Variants in OCA2 observed in about 807,000 individuals in gnomAD.
OCA2 encodes the protein OCA2 melanosomal transmembrane protein, also known as P protein.
OCA2 carries 77 observed loss-of-function variants against 100.2 expected under a neutral mutation model. That is an observed-to-expected ratio of 0.77 (90% CI 0.64 to 0.93). The LOEUF (loss-of-function observed/expected upper bound fraction) is 0.93, where lower values mean the gene tolerates loss of function less well. Among genes scored for constraint, OCA2 ranks in the 40% least tolerant of loss-of-function variants. The pLI, the probability that OCA2 is intolerant of heterozygous loss-of-function variation, is 0.00. For synonymous variants in OCA2, 432 were observed against 439.2 expected (o/e 0.98, Z 0.21); for missense variants, 1,062 against 1,089.1 (o/e 0.98, Z 0.35).
chr15:28,027,214 G>C (rs936804230), intron 4 of OCA2, among the ~76,000 whole-genome samples: 1 of 152,166 alleles, frequency 6.6e-6, no homozygotes, highest in Non-Finnish European at 1.5e-5. Context: ...GCGCGCCCTA[G>C]GCCTACACAC....
intron 16 of OCA2, among the ~76,000 whole-genome samples, chr15:27,956,767 G>A (rs921220166): frequency 3.9e-5 from 6 of 152,204 alleles, no homozygotes; most frequent in Non-Finnish European, 5.9e-5. Flanking sequence ...GCACTGAGCC[G>A]GCACTTCATC....
rs1010470781 is a variant in OCA2 at position 27,838,471 on chromosome 15, G to A, written c.2432+6488C>T. 1.3e-4 allele frequency among the ~76,000 whole-genome samples: 20 copies of A among 152,158 alleles called. 1 individual carries two copies. The highest frequency in any genetic ancestry group is 4.6e-4 in the African/African-American group (19 of 41,434). ...AGTGAGACTCAACATAAAGAGATCC[G>A]TGAAATCGTAAAATATAACAAATAC... On this transcript the variant is annotated intron_variant, in intron 23 of 23. Transcript: ENST00000354638.
intron 14 of OCA2, among the ~76,000 whole-genome samples, chr15:27,980,701 C>T (rs930186550): frequency 5.3e-5 from 8 of 152,198 alleles, no homozygotes; most frequent in African/African-American, 1.7e-4. Context: ...AAAGGTATTG[C>T]TCCGTTGCCT....
chr15:27,872,681 T>C (rs1003530227), intron 19 of OCA2, among the ~76,000 whole-genome samples: 2 of 150,682 alleles, frequency 1.3e-5, no homozygotes, highest in African/African-American at 2.5e-5. Context: ...TTTTTTCTTT[T>C]AATTTTTTAA....
At chr15:27,910,194 T>C (rs1054975686) in intron 19 of OCA2, among the ~76,000 whole-genome samples, 1 of 152,352 alleles carries the variant, frequency 6.6e-6, no homozygotes, top group Admixed American at 6.5e-5. Flanking sequence ...TGAAAAATTA[T>C]GACATTCTGT....
intron 14 of OCA2, among the ~76,000 whole-genome samples, chr15:27,976,343 A>G (rs2040965440): frequency 1.3e-5 from 2 of 152,220 alleles, no homozygotes; most frequent in South Asian, 4.1e-4. Context: ...TTCTGATGTT[A>G]GAGGGAAATC....
intron 21 of OCA2, among the ~76,000 whole-genome samples, chr15:27,856,817 C>G (rs758584410): frequency 6.6e-6 from 1 of 151,998 alleles, no homozygotes; most frequent in Non-Finnish European, 1.5e-5. Flanking sequence ...ACTTCAATGA[C>G]CATACACTTT....
intron 23 of OCA2, among the ~76,000 whole-genome samples, chr15:27,828,441 G>A (rs1012487952): frequency 6.6e-6 from 1 of 152,176 alleles, no homozygotes; most frequent in African/African-American, 2.4e-5. Context: ...TGGGAACAGC[G>A]AGGCATACCT....
intron 2 of OCA2, among the ~76,000 whole-genome samples, chr15:28,080,280 G>A (rs1303143775): frequency 1.3e-5 from 2 of 152,196 alleles, no homozygotes; most frequent in African/African-American, 2.4e-5. Flanking sequence ...AATCTGGGGG[G>A]AACAGACACA....
At chr15:27,837,490 C>T (rs904701012) in intron 23 of OCA2, among the ~76,000 whole-genome samples, 1 of 152,180 alleles carries the variant, frequency 6.6e-6, no homozygotes, top group Non-Finnish European at 1.5e-5. Context: ...AACACCAATT[C>T]CCAGCCAAGC....
intron 23 of OCA2, among the ~76,000 whole-genome samples, chr15:27,793,749 G>A (rs1413758790): frequency 6.6e-6 from 1 of 152,184 alleles, no homozygotes; most frequent in East Asian, 1.9e-4. Flanking sequence ...GGTGTGCAAG[G>A]GCCTGCCTGG....
intron 14 of OCA2, among the ~76,000 whole-genome samples, chr15:27,980,717 C>G (rs941680350): frequency 6.6e-6 from 1 of 152,208 alleles, no homozygotes; most frequent in Non-Finnish European, 1.5e-5. Flanking sequence ...TGCCTTCACA[C>G]GTGCATTATC....
intron 15 of OCA2, among the ~76,000 whole-genome samples, chr15:27,965,593 G>A (rs2040539251): frequency 6.6e-6 from 1 of 152,188 alleles, no homozygotes; most frequent in African/African-American, 2.4e-5. Flanking sequence ...AATGGAATCT[G>A]GGTATCTTAT....
intron 23 of OCA2, among the ~76,000 whole-genome samples, chr15:27,787,807 T>A (rs1026072993): frequency 6.6e-6 from 1 of 151,990 alleles, no homozygotes; most frequent in Non-Finnish European, 1.5e-5. Flanking sequence ...TACTTTCTTA[T>A]GGTAAAAGTT....
chr15:27,965,264 G>GA (rs2040528298), intron 15 of OCA2, among the ~76,000 whole-genome samples: 1 of 152,120 alleles, frequency 6.6e-6, no homozygotes, highest in African/African-American at 2.4e-5. Flanking sequence ...ATTTTCATCA[G>GA]AAAAAGAAAC....
chr15:27,850,896 C>T (rs1173106664), intron 22 of OCA2, among the ~76,000 whole-genome samples: 1 of 152,150 alleles, frequency 6.6e-6, no homozygotes, highest in African/African-American at 2.4e-5. Context: ...AGGTCAGTCT[C>T]TCCCAACACT....
chr15:27,821,054 G>A (rs1445071507), intron 23 of OCA2, among the ~76,000 whole-genome samples: 2 of 152,104 alleles, frequency 1.3e-5, no homozygotes, highest in African/African-American at 4.8e-5. Context: ...TGTCTCAAGT[G>A]AGACATTGAG....
intron 23 of OCA2, among the ~76,000 whole-genome samples, chr15:27,757,331 G>A (rs1334395882): frequency 6.6e-6 from 1 of 152,230 alleles, no homozygotes; most frequent in African/African-American, 2.4e-5. Flanking sequence ...ATGACTTACT[G>A]AATATCTGCT....
the OCA2 span, among the ~76,000 whole-genome samples, chr15:27,749,365 G>A: frequency 6.6e-6 from 1 of 152,304 alleles, no homozygotes; most frequent in East Asian, 1.9e-4. Context: ...TGTCCAGTAA[G>A]ACTTCCTTCA....
Sources: allele counts gnomAD v4.1 joint callset (sites outside exome capture counted in the v4.1 genomes callset), GRCh38; gene constraint gnomAD v4.1.1; transcripts MANE v1.5; gene names NCBI Gene and HGNC (gene_info 2026-07-23, HGNC 2026-07-21).